Variants in PCDH11X observed in about 807,000 individuals in gnomAD.
PCDH11X encodes protocadherin 11 X-linked.
A neutral mutation model predicts 53.3 loss-of-function variants in PCDH11X; 18 were observed. That is an observed-to-expected ratio of 0.34 (90% CI 0.23 to 0.50). PCDH11X has a LOEUF of 0.50. PCDH11X is among the 20% of genes least tolerant of loss of function. The pLI is 0.98. For missense variants in PCDH11X, 570 were observed against 1,032.4 expected, an observed-to-expected ratio of 0.55 and a Z score of 6.14; for synonymous variants, 279 against 393.3, an observed-to-expected ratio of 0.71 and a Z score of 3.44.
At chrX:92,395,895 C>A (rs1303420540) in intron 9 of PCDH11X, among the ~76,000 whole-genome samples, 2 of 108,420 alleles carry the variant, frequency 1.8e-5, no homozygotes, top group Non-Finnish European at 3.8e-5. Flanking sequence ...CTCAAGGGGA[C>A]TGTTACAATA....
At chrX:92,213,116 A>G (rs2066622066) in intron 7 of PCDH11X, among the ~76,000 whole-genome samples, 1 of 111,977 alleles carries the variant, frequency 8.9e-6, no homozygotes, top group Non-Finnish European at 1.9e-5. Flanking sequence ...CAGTAGAAAG[A>G]CTAAATATAA....
chrX:92,470,507 G>T (rs2073240345), intron 10 of PCDH11X, among the ~76,000 whole-genome samples: 1 of 106,927 alleles, frequency 9.4e-6, no homozygotes, highest in South Asian at 4.2e-4. Context: ...GGTGACAGTG[G>T]TCCTCCTTAT....
intron 7 of PCDH11X, among the ~76,000 whole-genome samples, chrX:92,258,619 G>A (rs906113014): frequency 1.7e-4 from 19 of 110,876 alleles, no homozygotes; most frequent in African/African-American, 3.9e-4. Flanking sequence ...CACCTGCCTC[G>A]GCCTCCCAAA....
Position 91,877,540 on chromosome X carries a change from A to G in PCDH11X, c.1300A>G (p.Ile434Val). The G allele has an allele frequency of 1.7e-5, 21 of 1,210,982 alleles. No homozygotes were observed. The highest frequency in any genetic ancestry group is 2.3e-5 in the Non-Finnish European group (21 of 895,316). The change falls in exon 6 of 11, where the codon ATT becomes GTT. Residue 434 changes from isoleucine (I) to valine (V), a missense_variant. This residue lies in a region of PCDH11X where 226 missense variants were observed against 457.5 expected (regional missense o/e 0.49). Transcript: ENST00000682573. ...LDYESTKEYA[I>V]KLLAADAGKP... ...CTATGAGTCCACAAAAGAATATGCC[A>G]TTAAATTACTGGCTGCAGATGCTGG... is the stretch of plus-strand genomic sequence containing the variant.
rs200977655 is a variant in PCDH11X at position 92,084,091 on chromosome X, A to AAACAAC, written c.3034-117263_3034-117258dup. On this transcript the variant is annotated intron_variant, in intron 6 of 10. Coordinates refer to ENST00000682573, the MANE Select transcript of PCDH11X (RefSeq NM_032968.5). The stretch of plus-strand genomic sequence containing the variant: ...GGGCAACAGAGCAAGACTCTGTCAA[A>AAACAAC]AACAACAACAACAACAACAACAACA... Among the ~76,000 whole-genome samples the AAACAAC allele has an allele frequency of 3.7e-4, 40 of 108,094 alleles. 1 individual carries two copies. The highest frequency in any genetic ancestry group is 1.3e-3 in the African/African-American group (38 of 29,037). The allele number at this position is 108,094 out of a possible 115,157, so 93.9% of individuals were successfully genotyped here.
In PCDH11X at chrX:92,229,756, A is replaced by G. The variant is rs143181807; in HGVS notation, c.3114+28301A>G. The stretch of plus-strand genomic sequence containing the variant: ...TAATATTTATTCTGGATAAAATGAA[A>G]TCAAAACACTGAAGGAATATTGAAA... On this transcript the variant is annotated intron_variant, in intron 7 of 10. Coordinates refer to ENST00000682573, the MANE Select transcript of PCDH11X (RefSeq NM_032968.5). Among the ~76,000 whole-genome samples the G allele has an allele frequency of 3.6e-4, 40 of 111,819 alleles. No individual in the cohort carries two copies. In the East Asian group the frequency reaches 0.011, roughly 31 times the overall value.
At chrX:92,418,520 T>C (rs2071872625) in intron 9 of PCDH11X, among the ~76,000 whole-genome samples, 1 of 110,110 alleles carries the variant, frequency 9.1e-6, no homozygotes, top group African/African-American at 3.3e-5. Flanking sequence ...ATCTCCCACC[T>C]TGGACCTTTC....
chrX:92,048,534 C>G (rs776592426), intron 6 of PCDH11X, among the ~76,000 whole-genome samples: 1 of 110,651 alleles, frequency 9.0e-6, no homozygotes, highest in Non-Finnish European at 1.9e-5. Flanking sequence ...GAATATACTT[C>G]GTTCTTTTTA....
intron 10 of PCDH11X, among the ~76,000 whole-genome samples, chrX:92,542,789 A>T (rs1183143816): frequency 1.8e-5 from 2 of 111,466 alleles, no homozygotes; most frequent in African/African-American, 6.5e-5. Context: ...AAGCCTCTCT[A>T]GTGGCAGAAA....
chrX:92,016,481 G>A (rs1442262574), intron 6 of PCDH11X, among the ~76,000 whole-genome samples: 1 of 110,528 alleles, frequency 9.0e-6, no homozygotes, highest in Non-Finnish European at 1.9e-5. Flanking sequence ...ATCTTAGCTA[G>A]ATCTTCCGGA....
intron 6 of PCDH11X, among the ~76,000 whole-genome samples, chrX:92,128,323 G>T (rs759462506): frequency 6.6e-4 from 72 of 109,835 alleles, no homozygotes; most frequent in African/African-American, 2.3e-3. Flanking sequence ...TAGGAATTGT[G>T]CCTTGGACAG....
intron 9 of PCDH11X, among the ~76,000 whole-genome samples, chrX:92,409,200 A>C (rs888326064): frequency 2.7e-4 from 29 of 109,015 alleles, no homozygotes; most frequent in African/African-American, 8.8e-4. Flanking sequence ...ATTTGTGAGA[A>C]GCTCTTTACA....
At chrX:92,350,932 T>C (rs1229282326) in intron 8 of PCDH11X, among the ~76,000 whole-genome samples, 4 of 111,900 alleles carry the variant, frequency 3.6e-5, no homozygotes, top group Non-Finnish European at 7.5e-5. Context: ...TCATGAAATA[T>C]TTGTGCACTG....
intron 8 of PCDH11X, among the ~76,000 whole-genome samples, chrX:92,289,712 A>G (rs2068454184): frequency 9.0e-6 from 1 of 111,368 alleles, no homozygotes; most frequent in South Asian, 3.8e-4. Flanking sequence ...AAAAAATGCA[A>G]CTATGTTTTT....
At chrX:91,845,585 G>T (rs912421721) in intron 5 of PCDH11X, among the ~76,000 whole-genome samples, 1 of 111,368 alleles carries the variant, frequency 9.0e-6, no homozygotes, top group Non-Finnish European at 1.9e-5. Flanking sequence ...AAGTGAAGAT[G>T]ACCTCATTGG....
chrX:92,055,723 T>G (rs2063438770), intron 6 of PCDH11X, among the ~76,000 whole-genome samples: 1 of 110,627 alleles, frequency 9.0e-6, no homozygotes, highest in South Asian at 3.9e-4. Flanking sequence ...CACCATCTGA[T>G]AGGCCCCAGT....
intron 6 of PCDH11X, among the ~76,000 whole-genome samples, chrX:92,081,379 A>G (rs5984874): frequency 9.1e-6 from 1 of 110,287 alleles, no homozygotes; most frequent in Admixed American, 9.8e-5. Context: ...GCACAGCTGT[A>G]CATGTTTCCC....
At chrX:92,326,174 A>G (rs929945476) in intron 8 of PCDH11X, among the ~76,000 whole-genome samples, 8 of 109,510 alleles carry the variant, frequency 7.3e-5, no homozygotes, top group African/African-American at 2.7e-4. Context: ...GGTGGCTGAA[A>G]TGGTTGGAAA....
chrX:91,794,582 A>T (rs985329026), intron 1 of PCDH11X, among the ~76,000 whole-genome samples: 3 of 111,817 alleles, frequency 2.7e-5, no homozygotes, highest in Admixed American at 9.5e-5. Context: ...ACTGAGGTAA[A>T]TCATGACTAG....
Sources: allele counts gnomAD v4.1 joint callset (sites outside exome capture counted in the v4.1 genomes callset), GRCh38; gene constraint gnomAD v4.1.1; regional missense constraint gnomAD v4.1.1; transcripts MANE v1.5; gene names NCBI Gene and HGNC (gene_info 2026-07-23, HGNC 2026-07-21).